Variants in BRINP1 observed in about 807,000 individuals in gnomAD.
BRINP1 encodes the protein BMP/retinoic acid inducible neural specific 1.
Under a neutral mutation model 72.9 loss-of-function variants are expected in BRINP1, and 17 were observed. The ratio of observed to expected loss-of-function variants is 0.23; its 90% confidence interval spans 0.16 to 0.35. The LOEUF is 0.35. Among genes scored for constraint, BRINP1 ranks in the 10% least tolerant of loss-of-function variants. BRINP1 has a pLI of 1.00. For synonymous variants in BRINP1, 418 were observed against 378.5 expected (o/e 1.10, Z -1.21); for missense variants, 850 against 1,001.6 (o/e 0.85, Z 2.04).
chr9:119,192,822 A>T (rs1450530051), intron 7 of BRINP1, among the ~76,000 whole-genome samples: 3 of 152,164 alleles, frequency 2.0e-5, no homozygotes, highest in Non-Finnish European at 4.4e-5. Context: ...ATTATTCACA[A>T]TAGCCAAGAT....
intron 2 of BRINP1, among the ~76,000 whole-genome samples, chr9:119,283,677 C>T (rs1209009354): frequency 2.0e-5 from 3 of 152,128 alleles, no homozygotes; most frequent in East Asian, 1.9e-4. Flanking sequence ...GGATTACAGG[C>T]GTGGGCCACC....
At position 119,284,806 on chromosome 9, in the gene BRINP1, A is replaced by G. The variant is rs73534404; in HGVS notation, c.218+28332T>C. On this transcript the variant is annotated intron_variant, in intron 2 of 7. Transcript: ENST00000265922. ...ACAGAGAGGAAAGTTCGCTGCCAAG[A>G]AAGATGTGTCATTCCACAGGAAATT... is the stretch of plus-strand genomic sequence containing the variant. Among the ~76,000 whole-genome samples, 784 of 152,296 alleles carry G rather than the reference A, an allele frequency of 5.1e-3. 9 individuals are homozygous for G. Among genetic ancestry groups the G allele is most frequent in the African/African-American group, 0.017 (727 of 41,568 alleles).
At chr9:119,204,291 T>C (rs968845427) in intron 7 of BRINP1, among the ~76,000 whole-genome samples, 3 of 152,218 alleles carry the variant, frequency 2.0e-5, no homozygotes, top group African/African-American at 7.2e-5. Context: ...AGTGTTGTTT[T>C]GAGCCACTAA....
chr9:119,356,703 G>T (rs1219250265), intron 1 of BRINP1, among the ~76,000 whole-genome samples: 1 of 151,786 alleles, frequency 6.6e-6, no homozygotes, highest in African/African-American at 2.4e-5. Context: ...TACTCAGGAG[G>T]CTGAGGCAAT....
intron 5 of BRINP1, among the ~76,000 whole-genome samples, chr9:119,215,913 C>T (rs1829971871): frequency 6.6e-6 from 1 of 152,182 alleles, no homozygotes; most frequent in South Asian, 2.1e-4. Context: ...CTTCTTACTA[C>T]CTAAGTCATC....
intron 2 of BRINP1, among the ~76,000 whole-genome samples, chr9:119,258,445 C>A (rs986469223): frequency 1.3e-5 from 2 of 152,178 alleles, no homozygotes; most frequent in African/African-American, 4.8e-5. Flanking sequence ...GGAAAGGAAG[C>A]TTAGAATGCA....
At position 119,168,102 on chromosome 9, in the gene BRINP1, T is replaced by G. The variant is rs1248132911; in HGVS notation, c.1268A>C (p.Gln423Pro). 5.0e-6 allele frequency: 8 copies of G among 1,609,246 alleles called. No individual in the cohort carries two copies. The highest frequency in any genetic ancestry group is 6.8e-6 in the Non-Finnish European group (8 of 1,177,132). ...CVCHGSTTLC[Q>P]RPIPCVIGGN... is the part of the protein sequence containing the mutation. ...GCCTATCACGCAGGGGATGGGGCGC[T>G]GGCACAGCGTGGTGCTGCCGTGGCA... Residue 423 changes from glutamine to proline, a missense_variant, in exon 8 of 8, where the codon CAG becomes CCG. Transcript: ENST00000265922.
chr9:119,353,822 CTTTTTTTTTTTTTTT>C (rs138900910), intron 1 of BRINP1, among the ~76,000 whole-genome samples: 7 of 30,962 alleles, frequency 2.3e-4, no homozygotes, highest in African/African-American at 4.6e-4. Context: ...GTTTTGAGCA[CTTTTTTTTTTTTTTT>C]TTTTTTTTTT....
chr9:119,171,710 A>C (rs2118822345), intron 7 of BRINP1, among the ~76,000 whole-genome samples: 1 of 113,042 alleles, frequency 8.8e-6, no homozygotes, highest in Non-Finnish European at 1.8e-5. Flanking sequence ...CACCTATTCC[A>C]AAATTGACCA....
At chr9:119,199,539 T>C (rs1254140396) in intron 7 of BRINP1, among the ~76,000 whole-genome samples, 1 of 152,124 alleles carries the variant, frequency 6.6e-6, no homozygotes, top group Non-Finnish European at 1.5e-5. Context: ...GACTGCTGGG[T>C]CAAGGCCATG....
chr9:119,336,918 T>A (rs79100595), intron 1 of BRINP1, among the ~76,000 whole-genome samples: 1 of 152,244 alleles, frequency 6.6e-6, no homozygotes, highest in Non-Finnish European at 1.5e-5. Flanking sequence ...TGGGTCTAAA[T>A]GGACAGGCAT....
intron 2 of BRINP1, among the ~76,000 whole-genome samples, chr9:119,303,394 TC>T: frequency 6.6e-6 from 1 of 151,278 alleles, no homozygotes; most frequent in South Asian, 2.1e-4. Flanking sequence ...GGGACAAATG[TC>T]CCCTGAGCAT....
intron 2 of BRINP1, among the ~76,000 whole-genome samples, chr9:119,310,443 GGTTCTCAT>G (rs1831049654): frequency 6.6e-6 from 1 of 152,206 alleles, no homozygotes; most frequent in Non-Finnish European, 1.5e-5. Flanking sequence ...TAATTAAAAA[GGTTCTCAT>G]TGTTGTCACT....
intron 1 of BRINP1, among the ~76,000 whole-genome samples, chr9:119,330,651 C>T (rs75328907): frequency 0.022 from 3,402 of 152,228 alleles, 146 homozygotes; most frequent in African/African-American, 0.077. Context: ...ATCCTATATC[C>T]TTACATTTAA....
At chr9:119,363,530 C>T (rs1266981999) in intron 1 of BRINP1, among the ~76,000 whole-genome samples, 1 of 152,180 alleles carries the variant, frequency 6.6e-6, no homozygotes, top group Non-Finnish European at 1.5e-5. Flanking sequence ...GCTACTCAAT[C>T]GAAAATTATA....
chr9:119,363,885 A>G (rs1183233339), intron 1 of BRINP1, among the ~76,000 whole-genome samples: 2 of 152,226 alleles, frequency 1.3e-5, no homozygotes, highest in Non-Finnish European at 2.9e-5. Context: ...CATATTGGAC[A>G]GCACAAAAAA....
At chr9:119,169,801 C>G (rs1167951017) in intron 7 of BRINP1, among the ~76,000 whole-genome samples, 1 of 152,218 alleles carries the variant, frequency 6.6e-6, no homozygotes, top group Non-Finnish European at 1.5e-5. Flanking sequence ...GGCAGACTGC[C>G]TCCTCAAGTG....
At chr9:119,211,948 C>T (rs1367923865) in intron 6 of BRINP1, among the ~76,000 whole-genome samples, 1 of 152,024 alleles carries the variant, frequency 6.6e-6, no homozygotes, top group Non-Finnish European at 1.5e-5. Flanking sequence ...GGATTGTATG[C>T]TAAAGAGTCT....
intron 1 of BRINP1, among the ~76,000 whole-genome samples, chr9:119,354,140 T>C (rs1307106494): frequency 2.0e-5 from 3 of 152,176 alleles, no homozygotes; most frequent in Non-Finnish European, 4.4e-5. Context: ...TCAGAATTGC[T>C]TGTATACATT....
Sources: allele counts gnomAD v4.1 joint callset (sites outside exome capture counted in the v4.1 genomes callset), GRCh38; gene constraint gnomAD v4.1.1; transcripts MANE v1.5; gene names NCBI Gene and HGNC (gene_info 2026-07-23, HGNC 2026-07-21).